DIP2C: variants seen among roughly 807,000 people sequenced by gnomAD.
The protein encoded by DIP2C is disco-interacting protein 2 homolog C.
In DIP2C, 33 loss-of-function variants were observed where a neutral mutation model predicts 192.4. That is an observed-to-expected ratio of 0.17 (90% CI 0.13 to 0.23). The LOEUF (loss-of-function observed/expected upper bound fraction) is 0.23. DIP2C is among the 10% of genes least tolerant of loss of function. The pLI is 1.00. For synonymous variants in DIP2C, 979 were observed against 864.1 expected, an observed-to-expected ratio of 1.13 and a Z score of -2.33; for missense variants, 1,537 against 2,110.1, an observed-to-expected ratio of 0.73 and a Z score of 5.32.
chr10:523,316 A>G (rs112517743), intron 1 of DIP2C, among the ~76,000 whole-genome samples: 760 of 76,068 alleles, frequency 1.0e-2, no homozygotes, highest in Middle Eastern at 0.04. Context: ...TGTGTGACCC[A>G]CACACTCGTT....
At chr10:320,155 T>G (rs551224453) in intron 31 of DIP2C, among the ~76,000 whole-genome samples, 1 of 152,324 alleles carries the variant, frequency 6.6e-6, no homozygotes, top group African/African-American at 2.4e-5. Flanking sequence ...AAATTCATCA[T>G]GCCAAGTCAT....
intron 1 of DIP2C, among the ~76,000 whole-genome samples, chr10:597,018 ATGTGTGTTTGCC>A (rs1468338802): frequency 6.6e-6 from 1 of 152,156 alleles, no homozygotes; most frequent in African/African-American, 2.4e-5. Context: ...TCTGTGTGAG[ATGTGTGTTTGCC>A]TCTGGACTGA....
intron 1 of DIP2C, 114 bp from the exon 2 acceptor site, chr10:486,644 G>A (rs1844039812): frequency 4.6e-6 from 4 of 875,592 alleles, no homozygotes; most frequent in Non-Finnish European, 6.7e-6. Flanking sequence ...CTCATTGTTA[G>A]AATTTTAAAA....
intron 32 of DIP2C, among the ~76,000 whole-genome samples, chr10:297,188 T>C (rs1177177978): frequency 2.0e-5 from 3 of 149,874 alleles, no homozygotes; most frequent in Admixed American, 1.3e-4. Context: ...AGTGAGACTG[T>C]CTCAAAAACA....
intron 1 of DIP2C, among the ~76,000 whole-genome samples, chr10:635,911 C>G (rs1854805485): frequency 6.6e-6 from 1 of 152,110 alleles, no homozygotes; most frequent in Non-Finnish European, 1.5e-5. Context: ...TGACACTTAA[C>G]CTTGTCCTCT....
At chr10:541,684 G>A (rs573704984) in intron 1 of DIP2C, among the ~76,000 whole-genome samples, 1 of 118,820 alleles carries the variant, frequency 8.4e-6, no homozygotes, top group East Asian at 2.5e-4. Flanking sequence ...AACCCCAAGA[G>A]TGACCCTCCA....
intron 1 of DIP2C, among the ~76,000 whole-genome samples, chr10:573,419 C>T (rs1292854185): frequency 6.6e-6 from 1 of 152,222 alleles, no homozygotes; most frequent in Non-Finnish European, 1.5e-5. Context: ...ATTATCGTTG[C>T]TGTTTTTCGG....
chr10:579,729 CA>C (rs1365121817), intron 1 of DIP2C, among the ~76,000 whole-genome samples: 1 of 152,002 alleles, frequency 6.6e-6, no homozygotes, highest in African/African-American at 2.4e-5. Context: ...CATATCAATA[CA>C]GCATACATAG....
At chr10:485,749 C>T (rs896563213) in intron 2 of DIP2C, among the ~76,000 whole-genome samples, 4 of 152,200 alleles carry the variant, frequency 2.6e-5, no homozygotes, top group African/African-American at 9.6e-5. Context: ...ATTTATGTTG[C>T]TAGCCTTTAT....
chr10:340,284 A>G (rs1408969257), intron 29 of DIP2C, among the ~76,000 whole-genome samples: 1 of 152,054 alleles, frequency 6.6e-6, no homozygotes, highest in African/African-American at 2.4e-5. Context: ...ATATTTATTC[A>G]TAAAATGTGT....
At chr10:624,060 C>T (rs868065587) in intron 1 of DIP2C, among the ~76,000 whole-genome samples, 10 of 152,252 alleles carry the variant, frequency 6.6e-5, no homozygotes, top group African/African-American at 2.2e-4. Context: ...TCTCTGCACC[C>T]GGGACCCGCC....
chr10:289,050 A>G (rs1955323765), intron 32 of DIP2C, among the ~76,000 whole-genome samples: 1 of 152,248 alleles, frequency 6.6e-6, no homozygotes, highest in Admixed American at 6.5e-5. Context: ...TGAGGCCTTC[A>G]CTACTGGTTT....
intron 1 of DIP2C, among the ~76,000 whole-genome samples, chr10:681,271 C>T (rs753852877): frequency 4.7e-5 from 7 of 150,330 alleles, no homozygotes; most frequent in Non-Finnish European, 8.9e-5. Context: ...GCAGCCACCA[C>T]CTATGGCCAT....
intron 1 of DIP2C, among the ~76,000 whole-genome samples, chr10:541,797 C>A (rs1482752467): frequency 6.6e-6 from 1 of 152,000 alleles, no homozygotes; most frequent in East Asian, 1.9e-4. Flanking sequence ...CTGACCACAC[C>A]TGTCTCTCCT....
intron 1 of DIP2C, among the ~76,000 whole-genome samples, chr10:625,996 T>C (rs1473509126): frequency 6.6e-6 from 1 of 152,164 alleles, no homozygotes; most frequent in African/African-American, 2.4e-5. Context: ...TGATGAAATA[T>C]TCAATTAATC....
intron 1 of DIP2C, among the ~76,000 whole-genome samples, chr10:647,402 T>C (rs1245632085): frequency 2.1e-5 from 3 of 143,228 alleles, no homozygotes; most frequent in Non-Finnish European, 4.5e-5. Context: ...CCACATTGGA[T>C]GGTGGGAGAG....
chr10:462,889 C>T (rs1969908788), intron 3 of DIP2C, among the ~76,000 whole-genome samples: 1 of 152,140 alleles, frequency 6.6e-6, no homozygotes, highest in Admixed American at 6.5e-5. Flanking sequence ...TGTAATCCAT[C>T]ACATCAACAG....
intron 4 of DIP2C, among the ~76,000 whole-genome samples, chr10:427,019 T>G (rs1192816456): frequency 6.6e-6 from 1 of 152,204 alleles, no homozygotes; most frequent in Non-Finnish European, 1.5e-5. Context: ...AACTACTAAG[T>G]TTTAAAAGAT....
chr10:620,383 A>T (rs1413174777), intron 1 of DIP2C, among the ~76,000 whole-genome samples: 1 of 152,154 alleles, frequency 6.6e-6, no homozygotes, highest in Non-Finnish European at 1.5e-5. Context: ...TTCTTCTCTG[A>T]GCCAAACCTA....
Sources: allele counts gnomAD v4.1 joint callset (sites outside exome capture counted in the v4.1 genomes callset), GRCh38; gene constraint gnomAD v4.1.1; transcripts MANE v1.5; gene names NCBI Gene and HGNC (gene_info 2026-07-23, HGNC 2026-07-21).